Variants in SLC2A13 observed in about 807,000 individuals in gnomAD.
SLC2A13 encodes proton myo-inositol cotransporter.
SLC2A13 carries 32 observed loss-of-function variants against 64.4 expected under a neutral mutation model. That is an observed-to-expected ratio of 0.50 (90% CI 0.37 to 0.67). SLC2A13 has a LOEUF of 0.67. SLC2A13 is among the 30% of genes least tolerant of loss of function. The pLI is 0.00. For synonymous variants in SLC2A13, 338 were observed against 327.1 expected (o/e 1.03, Z -0.36); for missense variants, 743 against 829.2 (o/e 0.90, Z 1.28).
chr12:39,960,000 G>C (rs1946381747), intron 3 of SLC2A13, among the ~76,000 whole-genome samples: 1 of 152,038 alleles, frequency 6.6e-6, no homozygotes, highest in South Asian at 2.1e-4. Context: ...ACAGGCCCCA[G>C]TGTGTGTTGT....
chr12:39,826,184 C>T (rs889592063), intron 7 of SLC2A13, among the ~76,000 whole-genome samples: 3 of 151,938 alleles, frequency 2.0e-5, no homozygotes, highest in Non-Finnish European at 2.9e-5. Flanking sequence ...AAAAGAATGA[C>T]ATTCTCTACT....
intron 9 of SLC2A13, among the ~76,000 whole-genome samples, chr12:39,763,309 G>T (rs770065037): frequency 2.6e-5 from 4 of 151,994 alleles, no homozygotes; most frequent in Non-Finnish European, 5.9e-5. Context: ...GATAATAAAA[G>T]CATTAGATAA....
intron 1 of SLC2A13, among the ~76,000 whole-genome samples, chr12:40,087,386 A>G (rs551821496): frequency 6.6e-6 from 1 of 152,194 alleles, no homozygotes; most frequent in Non-Finnish European, 1.5e-5. Context: ...TTCATCAGTC[A>G]TGGTCATATT....
intron 4 of SLC2A13, among the ~76,000 whole-genome samples, chr12:39,917,429 T>C (rs1352047047): frequency 6.6e-6 from 1 of 152,060 alleles, no homozygotes; most frequent in East Asian, 1.9e-4. Context: ...TGGGACAAAG[T>C]GTACCCATAT....
At chr12:39,760,582 A>AAAAT (rs1286502663) in intron 9 of SLC2A13, among the ~76,000 whole-genome samples, 1 of 151,992 alleles carries the variant, frequency 6.6e-6, no homozygotes, top group Non-Finnish European at 1.5e-5. Context: ...TGAGACCCCT[A>AAAAT]AAATAACAAC....
chr12:39,815,257 T>G (rs1942307992), intron 7 of SLC2A13, among the ~76,000 whole-genome samples: 1 of 152,126 alleles, frequency 6.6e-6, no homozygotes, highest in African/African-American at 2.4e-5. Flanking sequence ...GAATCAAAAA[T>G]AGAAAAAGAG....
At position 39,759,753 on chromosome 12, in the gene SLC2A13, T is replaced by C. The variant is rs1333846727; in HGVS notation, c.*273A>G. On this transcript the variant is annotated 3_prime_UTR_variant, in exon 10 of 10. Transcript: ENST00000280871. ...ACCACTGAAGTCACTGGGTACAATA[T>C]TCATTTTAGACTATTTCAGGAAGGC... The C allele has an allele frequency of 2.7e-6, 1 of 371,946 alleles. No individual in the cohort carries two copies. Among genetic ancestry groups the C allele is most frequent in the Non-Finnish European group, 4.9e-6 (1 of 204,706 alleles). The allele number at this position is 371,946 out of a possible 1,614,324, so 23.0% of individuals were successfully genotyped here. A position where few individuals can be genotyped will look rare whatever the true frequency, so the allele number is the denominator to read the frequency against.
intron 3 of SLC2A13, among the ~76,000 whole-genome samples, chr12:39,956,081 TAA>T (rs1167501452): frequency 3.3e-5 from 5 of 152,138 alleles, no homozygotes; most frequent in African/African-American, 1.2e-4. Flanking sequence ...ATTAAAATAA[TAA>T]GAGTATCATG....
intron 4 of SLC2A13, among the ~76,000 whole-genome samples, chr12:39,919,634 A>G (rs1407340254): frequency 6.6e-6 from 1 of 152,044 alleles, no homozygotes; most frequent in African/African-American, 2.4e-5. Flanking sequence ...GATGTTTTAG[A>G]CCAGTGTATA....
At chr12:40,089,276 T>C (rs1938685334) in intron 1 of SLC2A13, among the ~76,000 whole-genome samples, 1 of 152,124 alleles carries the variant, frequency 6.6e-6, no homozygotes. Context: ...AAAGTGAATT[T>C]GATAATGTAA....
intron 4 of SLC2A13, among the ~76,000 whole-genome samples, chr12:39,904,632 C>T (rs1945218818): frequency 6.6e-6 from 1 of 152,098 alleles, no homozygotes; most frequent in African/African-American, 2.4e-5. Context: ...GTTTAATGTC[C>T]TATCACGTGC....
chr12:39,840,976 G>A (rs1017098692), intron 6 of SLC2A13, among the ~76,000 whole-genome samples: 7 of 152,102 alleles, frequency 4.6e-5, no homozygotes, highest in African/African-American at 1.7e-4. Context: ...AGTCCATGAA[G>A]ATAACAAGAT....
At chr12:39,983,178 C>T (rs1288452994) in intron 3 of SLC2A13, among the ~76,000 whole-genome samples, 2 of 151,474 alleles carry the variant, frequency 1.3e-5, no homozygotes, top group Non-Finnish European at 2.9e-5. Flanking sequence ...AAACTCAATT[C>T]AAGATGGATT....
At chr12:40,049,331 C>T (rs936962825) in intron 1 of SLC2A13, among the ~76,000 whole-genome samples, 17 of 151,898 alleles carry the variant, frequency 1.1e-4, no homozygotes, top group African/African-American at 3.1e-4. Flanking sequence ...TATAGAATTG[C>T]TTTTAACTAA....
chr12:39,989,865 TAC>T (rs1006900336), intron 3 of SLC2A13, among the ~76,000 whole-genome samples: 12 of 152,238 alleles, frequency 7.9e-5, no homozygotes, highest in African/African-American at 2.9e-4. Context: ...CAGGAAATTT[TAC>T]AGATGAGAAA....
At chr12:40,059,611 G>A (rs1238749558) in intron 1 of SLC2A13, among the ~76,000 whole-genome samples, 1 of 152,162 alleles carries the variant, frequency 6.6e-6, no homozygotes, top group African/African-American at 2.4e-5. Flanking sequence ...AAGGAGCACG[G>A]AGCTTCCATG....
At chr12:39,972,386 C>T (rs1380057094) in intron 3 of SLC2A13, among the ~76,000 whole-genome samples, 1 of 152,108 alleles carries the variant, frequency 6.6e-6, no homozygotes, top group Non-Finnish European at 1.5e-5. Context: ...ATCCATCATA[C>T]TGCACTTGCT....
intron 4 of SLC2A13, among the ~76,000 whole-genome samples, chr12:39,873,900 C>T (rs1413972165): frequency 6.6e-6 from 1 of 152,100 alleles, no homozygotes; most frequent in Non-Finnish European, 1.5e-5. Context: ...GTCTTCTGTC[C>T]AGGTTAGGTA....
At chr12:39,838,676 C>T (rs1943095671) in intron 6 of SLC2A13, among the ~76,000 whole-genome samples, 2 of 152,008 alleles carry the variant, frequency 1.3e-5, no homozygotes, top group South Asian at 2.1e-4. Flanking sequence ...AAAGGATGGC[C>T]TATTTTCATT....
Sources: allele counts gnomAD v4.1 joint callset (sites outside exome capture counted in the v4.1 genomes callset), GRCh38; gene constraint gnomAD v4.1.1; transcripts MANE v1.5; gene names NCBI Gene and HGNC (gene_info 2026-07-23, HGNC 2026-07-21).